The following AGAP1 variants were observed in gnomAD, a reference collection of about 807,000 sequenced individuals.
AGAP1 encodes arf-GAP with GTPase, ANK repeat and PH domain-containing protein 1.
A neutral mutation model predicts 105.3 loss-of-function variants in AGAP1; 29 were observed. The observed-to-expected ratio is 0.28, with a 90% CI of 0.21 to 0.38. The LOEUF is 0.38. AGAP1 is among the 10% of genes least tolerant of loss of function. AGAP1 has a pLI of 1.00. For missense variants in AGAP1, 998 were observed against 1,165.1 expected (o/e 0.86, Z 2.09); for synonymous variants, 509 against 485.9 (o/e 1.05, Z -0.63).
chr2:235,497,658 G>A (rs549058576), intron 1 of AGAP1, among the ~76,000 whole-genome samples: 6 of 152,190 alleles, frequency 3.9e-5, no homozygotes, highest in African/African-American at 1.4e-4. Context: ...GTGCAGCGGC[G>A]CAATCTCGGC....
In AGAP1 at chr2:235,887,940, C is replaced by T. The variant is rs192765434; in HGVS notation, c.1155+4491C>T. Among the ~76,000 whole-genome samples the T allele has an allele frequency of 3.9e-5, 6 of 152,244 alleles. No homozygotes were observed. The highest frequency in any genetic ancestry group is 2.6e-4 in the Admixed American group (4 of 15,290). ...CAGACAGAGATGAGATAGGGCCGTGCGGCAGCCCATCACCGGCAGCGCTTG... is the reference window on the plus strand; with the variant it reads ...CAGACAGAGATGAGATAGGGCCGTGTGGCAGCCCATCACCGGCAGCGCTTG... On this transcript the variant is annotated intron_variant, in intron 10 of 17. Transcript: ENST00000304032. This position sits in a 1 kb window ranked among gnomAD's most constrained non-coding sequence, Gnocchi z 4.1.
In AGAP1 at chr2:235,971,407, A is replaced by C. The variant is rs1216504429; in HGVS notation, c.1645+2784A>C. Among the ~76,000 whole-genome samples, 1 of 152,228 alleles carries C rather than the reference A, an allele frequency of 6.6e-6. No individual in the cohort carries two copies. Among genetic ancestry groups the C allele is most frequent in the Non-Finnish European group, 1.5e-5 (1 of 68,036 alleles). ...ACATTGTGTAAAACACCCAAATTAA[A>C]CATTCTGTTCTGGCCGGGCACAGTG... On this transcript the variant is annotated intron_variant, in intron 13 of 17. Transcript: ENST00000304032. This position sits in a 1 kb window ranked among gnomAD's most constrained non-coding sequence, Gnocchi z 4.8.
At chr2:235,722,379 T>C (rs1484828233) in intron 3 of AGAP1, among the ~76,000 whole-genome samples, 1 of 152,210 alleles carries the variant, frequency 6.6e-6, no homozygotes, top group Non-Finnish European at 1.5e-5. Flanking sequence ...ATATACTTTA[T>C]CCTAATCATG....
At chr2:235,771,751 C>T (rs372595181) in intron 6 of AGAP1, among the ~76,000 whole-genome samples, 1 of 152,142 alleles carries the variant, frequency 6.6e-6, no homozygotes. Flanking sequence ...CTTACCTCCC[C>T]CTCTTCCCAG....
intron 13 of AGAP1, among the ~76,000 whole-genome samples, chr2:236,021,919 T>A (rs1017917965): frequency 5.3e-5 from 8 of 151,064 alleles, no homozygotes; most frequent in African/African-American, 1.9e-4. Context: ...ATTAGCCAGG[T>A]GTGGTGGCGC....
intron 1 of AGAP1, among the ~76,000 whole-genome samples, chr2:235,667,097 C>T (rs1948150944): frequency 6.6e-6 from 1 of 152,140 alleles, no homozygotes; most frequent in Non-Finnish European, 1.5e-5. Flanking sequence ...TGGTGTTCAT[C>T]ATTAAAGAGG....
intron 1 of AGAP1, among the ~76,000 whole-genome samples, chr2:235,589,194 G>GTTTTT (rs928149334): frequency 1.4e-3 from 83 of 59,550 alleles, no homozygotes; most frequent in East Asian, 4.1e-3. Flanking sequence ...TTATTGTTTT[G>GTTTTT]TTTTTTTTTT....
intron 1 of AGAP1, among the ~76,000 whole-genome samples, chr2:235,541,147 C>T: frequency 6.6e-6 from 1 of 152,120 alleles, no homozygotes; most frequent in Admixed American, 6.5e-5. Flanking sequence ...CACCATTGGG[C>T]ACGTGGACTT....
intron 1 of AGAP1, among the ~76,000 whole-genome samples, chr2:235,627,192 GTTT>G (rs36086999): frequency 1.6e-4 from 15 of 95,588 alleles, no homozygotes; most frequent in African/African-American, 5.8e-4. Flanking sequence ...CTGTTTTGAG[GTTT>G]TTTTTTTTTT....
At chr2:235,562,396 T>C in intron 1 of AGAP1, among the ~76,000 whole-genome samples, 1 of 152,058 alleles carries the variant, frequency 6.6e-6, no homozygotes, top group Non-Finnish European at 1.5e-5. Context: ...CGAAGCCCCC[T>C]CCCTCTTGTG....
chr2:235,893,506 G>T lies in AGAP1; in HGVS notation c.1155+10057G>T, dbSNP rs972716229. ...AAGGGTGAGCCATGTTTGTGGCGTGGGTGTGGCATGTCCACGAGGGTGCAC... is the reference window on the plus strand; with the variant it reads ...AAGGGTGAGCCATGTTTGTGGCGTGTGTGTGGCATGTCCACGAGGGTGCAC... On this transcript the variant is annotated intron_variant, in intron 10 of 17. Coordinates refer to ENST00000304032, the MANE Select transcript of AGAP1 (RefSeq NM_001037131.3). This position sits in a 1 kb window ranked among gnomAD's most constrained non-coding sequence, Gnocchi z 4.7. Among the ~76,000 whole-genome samples, 1 of 151,836 alleles carries T rather than the reference G, an allele frequency of 6.6e-6. No individual in the cohort carries two copies. The highest frequency in any genetic ancestry group is 2.4e-5 in the African/African-American group (1 of 41,326).
At chr2:236,016,830 C>T (rs1377291313) in intron 13 of AGAP1, among the ~76,000 whole-genome samples, 1 of 152,126 alleles carries the variant, frequency 6.6e-6, no homozygotes, top group Non-Finnish European at 1.5e-5. Context: ...AATTGTCCCT[C>T]ACAATTTCTT....
intron 1 of AGAP1, among the ~76,000 whole-genome samples, chr2:235,564,200 G>C (rs1388773287): frequency 5.1e-4 from 78 of 152,124 alleles, no homozygotes; most frequent in Non-Finnish European, 2.9e-5. Context: ...AAGTGATCTG[G>C]CTGCTCATGA....
chr2:236,034,669 G>T (rs947154210), intron 13 of AGAP1, among the ~76,000 whole-genome samples: 4 of 152,150 alleles, frequency 2.6e-5, no homozygotes, highest in Non-Finnish European at 4.4e-5. Flanking sequence ...ACTCCAGCCC[G>T]TATCGGTCCC....
At chr2:235,540,757 G>A (rs6726449) in intron 1 of AGAP1, among the ~76,000 whole-genome samples, 47,301 of 151,758 alleles carry the variant, frequency 0.31, 9,501 homozygotes, top group African/African-American at 0.56. Flanking sequence ...GGGGCGGGAC[G>A]TGCACCCCCT....
intron 16 of AGAP1, among the ~76,000 whole-genome samples, chr2:236,094,008 A>G (rs7569599): frequency 0.017 from 2,565 of 152,272 alleles, 71 homozygotes; most frequent in African/African-American, 0.059. Flanking sequence ...TGTACTAACA[A>G]CAGTCATATG....
In AGAP1 at chr2:235,501,247, G is replaced by A. The variant is rs192186212; in HGVS notation, c.163+6398G>A. On this transcript the variant is annotated intron_variant, in intron 1 of 17. Coordinates refer to ENST00000304032, the MANE Select transcript of AGAP1 (RefSeq NM_001037131.3). ...GACATTGCCAAGAGAATCTGGTTAG[G>A]AGGTAGAGGCAGCTGATGTCCATTT... 2.6e-5 allele frequency among the ~76,000 whole-genome samples: 4 copies of A among 152,334 alleles called. No homozygotes were observed. In the East Asian group the frequency reaches 7.7e-4, roughly 29 times the overall value.
In AGAP1 at chr2:235,625,941, G is replaced by A. The variant is rs899974718; in HGVS notation, c.164-83238G>A. On this transcript the variant is annotated intron_variant, in intron 1 of 17. Coordinates refer to ENST00000304032, the MANE Select transcript of AGAP1 (RefSeq NM_001037131.3). This position sits in a 1 kb window ranked among gnomAD's most constrained non-coding sequence, Gnocchi z 4.0. ...ACACAGAGAAAGGTGTTTCGGGGAAGTAGAATATTAGCAGAGCTATTTGTA... is the reference window on the plus strand; with the variant it reads ...ACACAGAGAAAGGTGTTTCGGGGAAATAGAATATTAGCAGAGCTATTTGTA... Among the ~76,000 whole-genome samples, 2 of 152,206 alleles carry A rather than the reference G, an allele frequency of 1.3e-5. No individual in the cohort carries two copies. The highest frequency in any genetic ancestry group is 2.9e-5 in the Non-Finnish European group (2 of 68,044).
At chr2:235,766,053 G>C (rs1954924741) in intron 6 of AGAP1, among the ~76,000 whole-genome samples, 1 of 152,142 alleles carries the variant, frequency 6.6e-6, no homozygotes, top group Non-Finnish European at 1.5e-5. Context: ...TCTTTTGGCT[G>C]CACAGTTCGA....
Sources: allele counts gnomAD v4.1 joint callset (sites outside exome capture counted in the v4.1 genomes callset), GRCh38; gene constraint gnomAD v4.1.1; non-coding constraint Gnocchi (gnomAD v3.1); transcripts MANE v1.5; gene names NCBI Gene and HGNC (gene_info 2026-07-23, HGNC 2026-07-21).